FAM135B: variants seen among roughly 807,000 people sequenced by gnomAD.
FAM135B encodes family with sequence similarity 135 member B.
Under a neutral mutation model 127.7 loss-of-function variants are expected in FAM135B, and 43 were observed. That is an observed-to-expected ratio of 0.34 (90% CI 0.26 to 0.43). The LOEUF is 0.43. FAM135B is among the 20% of genes least tolerant of loss of function. FAM135B has a pLI of 1.00. For synonymous variants in FAM135B, 670 were observed against 665.1 expected (o/e 1.01, Z -0.11); for missense variants, 1,558 against 1,725.6 (o/e 0.90, Z 1.72).
intron 3 of FAM135B, among the ~76,000 whole-genome samples, chr8:138,304,129 G>C (rs1826072561): frequency 6.6e-6 from 1 of 151,992 alleles, no homozygotes; most frequent in Non-Finnish European, 1.5e-5. Flanking sequence ...ACATTTCAGA[G>C]GTCCTGAGAA....
intron 2 of FAM135B, among the ~76,000 whole-genome samples, chr8:138,337,664 G>A (rs1190092576): frequency 1.3e-4 from 20 of 151,982 alleles, no homozygotes; most frequent in East Asian, 1.9e-4. Flanking sequence ...AATCAATATT[G>A]TGAAAATGGC....
At chr8:138,201,099 C>A (rs916142848) in intron 7 of FAM135B, among the ~76,000 whole-genome samples, 1 of 152,194 alleles carries the variant, frequency 6.6e-6, no homozygotes, top group Admixed American at 6.5e-5. Flanking sequence ...TGTGACTAAG[C>A]AGAAATGAAA....
Position 138,131,799 on chromosome 8 carries a change from T to C in FAM135B, c.*794A>G, listed in dbSNP as rs1222315788. 3 of 152,672 alleles carry C rather than the reference T, an allele frequency of 2.0e-5. No homozygotes were observed. The highest frequency in any genetic ancestry group is 7.2e-5 in the African/African-American group (3 of 41,450). 9.5% of individuals were successfully genotyped at this position (152,672 alleles called of 1,614,324 possible). On this transcript the variant is annotated 3_prime_UTR_variant, in exon 20 of 20. Coordinates refer to ENST00000395297, the MANE Select transcript of FAM135B (RefSeq NM_015912.4). ...CTTCTGCTAGGTTAGTCTCACTCAGTGTTCCCTACTACAGACAAAGATGTA... is the reference window on the plus strand; with the variant it reads ...CTTCTGCTAGGTTAGTCTCACTCAGCGTTCCCTACTACAGACAAAGATGTA...
At chr8:138,420,201 A>C (rs1834410587) in intron 1 of FAM135B, among the ~76,000 whole-genome samples, 1 of 42,866 alleles carries the variant, frequency 2.3e-5, no homozygotes, top group South Asian at 1.4e-3. Context: ...AAGAAAAAAC[A>C]CTCAGAGACT....
chr8:138,195,918 C>T (rs1273300359), intron 8 of FAM135B, among the ~76,000 whole-genome samples: 2 of 152,160 alleles, frequency 1.3e-5, no homozygotes, highest in African/African-American at 4.8e-5. Flanking sequence ...ACGGCTCTGG[C>T]ATGGATTTTA....
At chr8:138,445,286 C>G (rs1180991480) in intron 1 of FAM135B, among the ~76,000 whole-genome samples, 1 of 152,148 alleles carries the variant, frequency 6.6e-6, no homozygotes, top group Non-Finnish European at 1.5e-5. Flanking sequence ...AGAGGGAATC[C>G]TCCCTAACTC....
rs148073315 is a variant in FAM135B at position 138,151,825 on chromosome 8, G to T, written c.2650C>A (p.Arg884Ser). Reference sequence around the variant, plus strand: ...CTGGGGTTTTCAAGTGCTATGACGCGTGGTATTTTTAAATTAAGACCTTTG... The same window carrying T: ...CTGGGGTTTTCAAGTGCTATGACGCTTGGTATTTTTAAATTAAGACCTTTG... ...ETKGLNLKIP[R>S]VIALENPRTR... The change falls in exon 13 of 20, where the codon CGC (arginine) becomes AGC (serine). Residue 884 changes from arginine to serine, a missense_variant. Transcript: ENST00000395297. The T allele has an allele frequency of 1.2e-6, 2 of 1,614,016 alleles. No homozygotes were observed. The highest frequency in any genetic ancestry group is 1.7e-6 in the Non-Finnish European group (2 of 1,180,042).
At position 138,146,613 on chromosome 8, in the gene FAM135B, C is replaced by T. The variant is rs922617238; in HGVS notation, c.3449-563G>A. On this transcript the variant is annotated intron_variant, in intron 14 of 19. Coordinates refer to ENST00000395297, the MANE Select transcript of FAM135B (RefSeq NM_015912.4). The stretch of plus-strand genomic sequence containing the variant: ...TCTACGGAGGCACAGCAGTGGCCAT[C>T]GGGGCAGAGGAATGAAAGGTTAAGA... Among the ~76,000 whole-genome samples, 6 of 151,884 alleles carry T rather than the reference C, an allele frequency of 4.0e-5. No homozygotes were observed. The South Asian group carries it at 1.0e-3, about 26-fold the overall frequency.
At chr8:138,259,721 C>G (rs181100112) in intron 4 of FAM135B, among the ~76,000 whole-genome samples, 1 of 152,230 alleles carries the variant, frequency 6.6e-6, no homozygotes, top group Admixed American at 6.5e-5. Context: ...AACGCCTTCT[C>G]TAAGTCACTG....
In FAM135B at chr8:138,241,621, A is replaced by G. The variant is rs1820778687; in HGVS notation, c.669+1321T>C. Among the ~76,000 whole-genome samples the G allele has an allele frequency of 6.6e-6, 1 of 152,216 alleles. No individual in the cohort carries two copies. The highest frequency in any genetic ancestry group is 2.4e-5 in the African/African-American group (1 of 41,454). On this transcript the variant is annotated intron_variant, in intron 7 of 19. Coordinates refer to ENST00000395297, the MANE Select transcript of FAM135B (RefSeq NM_015912.4). The surrounding 1 kb of genome is among the most constrained non-coding windows in gnomAD (Gnocchi z 4.8). Reference sequence around the variant, plus strand: ...AATATTCTGAACAGTCTGTGCACAGAGCCTGACTGTATAGGAGGATAGAAC... The same window carrying G: ...AATATTCTGAACAGTCTGTGCACAGGGCCTGACTGTATAGGAGGATAGAAC...
intron 7 of FAM135B, among the ~76,000 whole-genome samples, chr8:138,220,735 G>A (rs1818967328): frequency 6.6e-6 from 1 of 152,156 alleles, no homozygotes; most frequent in Non-Finnish European, 1.5e-5. Context: ...ACTATTTCGA[G>A]TCCTGTGTTC....
intron 1 of FAM135B, among the ~76,000 whole-genome samples, chr8:138,432,249 C>T (rs1014550552): frequency 1.3e-5 from 2 of 152,162 alleles, no homozygotes; most frequent in African/African-American, 4.8e-5. Context: ...GAGAAGGAAT[C>T]TCACAGGATA....
chr8:138,274,098 A>T (rs1043222101), intron 3 of FAM135B, among the ~76,000 whole-genome samples: 2 of 152,102 alleles, frequency 1.3e-5, no homozygotes, highest in African/African-American at 4.8e-5. Context: ...TCTTACCCAT[A>T]CTAGTGAAAT....
intron 2 of FAM135B, among the ~76,000 whole-genome samples, chr8:138,345,062 T>A (rs371731643): frequency 6.6e-6 from 1 of 152,188 alleles, no homozygotes; most frequent in Admixed American, 6.5e-5. Context: ...GTGTCAGCAA[T>A]GCAGTTGACA....
In FAM135B at chr8:138,138,942, C is replaced by T. The variant is rs527332547; in HGVS notation, c.3901+44G>A. On this transcript the variant is annotated intron_variant, in intron 18 of 19. Coordinates refer to ENST00000395297, the MANE Select transcript of FAM135B (RefSeq NM_015912.4). ...TCATTTGTGTCTCAGGAGTTGAATC[C>T]CAAGCTCAAACTCATAACTGCAGCT... 30 of 1,227,532 alleles carry T rather than the reference C, an allele frequency of 2.4e-5. No homozygotes were observed. In the South Asian group the frequency reaches 3.4e-4, roughly 14 times the overall value. The allele number at this position is 1,227,532 out of a possible 1,614,324, so 76.0% of individuals were successfully genotyped here.
intron 1 of FAM135B, among the ~76,000 whole-genome samples, chr8:138,479,419 T>C (rs1814678810): frequency 6.6e-6 from 1 of 152,136 alleles, no homozygotes; most frequent in Non-Finnish European, 1.5e-5. Flanking sequence ...TCCCCTCGTC[T>C]AGGGGCTTTC....
At chr8:138,491,646 A>G (rs1260363212) in intron 1 of FAM135B, among the ~76,000 whole-genome samples, 1 of 152,212 alleles carries the variant, frequency 6.6e-6, no homozygotes, top group Non-Finnish European at 1.5e-5. Context: ...ACATTTACTG[A>G]GTGCATATTA....
At chr8:138,464,559 T>G (rs1219439844) in intron 1 of FAM135B, among the ~76,000 whole-genome samples, 1 of 152,114 alleles carries the variant, frequency 6.6e-6, no homozygotes, top group African/African-American at 2.4e-5. Context: ...GCCATAGAAT[T>G]CTGGACAAAG....
intron 9 of FAM135B, among the ~76,000 whole-genome samples, chr8:138,179,617 T>C (rs1814816761): frequency 6.6e-6 from 1 of 152,226 alleles, no homozygotes; most frequent in African/African-American, 2.4e-5. Flanking sequence ...TCAAAGCACC[T>C]GAGGACTGAG....
Sources: allele counts gnomAD v4.1 joint callset (sites outside exome capture counted in the v4.1 genomes callset), GRCh38; gene constraint gnomAD v4.1.1; non-coding constraint Gnocchi (gnomAD v3.1); transcripts MANE v1.5; gene names NCBI Gene and HGNC (gene_info 2026-07-23, HGNC 2026-07-21).